The following KCNH8 variants were observed in gnomAD, a reference collection of about 807,000 sequenced individuals.
KCNH8 encodes the protein voltage-gated delayed rectifier potassium channel KCNH8.
Under a neutral mutation model 103.6 loss-of-function variants are expected in KCNH8, and 70 were observed. The ratio of observed to expected loss-of-function variants is 0.68; its 90% CI spans 0.56 to 0.82. KCNH8 has a LOEUF of 0.82. Among genes scored for constraint, KCNH8 ranks in the 40% least tolerant of loss-of-function variants. The pLI is 0.00. For missense variants in KCNH8, 1,217 were observed against 1,329.9 expected (o/e 0.92, Z 1.32); for synonymous variants, 498 against 489.4 (o/e 1.02, Z -0.23).
chr3:19,526,730 T>C (rs1320319063), intron 15 of KCNH8, among the ~76,000 whole-genome samples: 5 of 152,014 alleles, frequency 3.3e-5, no homozygotes, highest in Non-Finnish European at 7.4e-5. Flanking sequence ...GACGTGGATA[T>C]TATATGAAAC....
At chr3:19,492,145 G>C (rs1002506118) in intron 11 of KCNH8, among the ~76,000 whole-genome samples, 1 of 151,962 alleles carries the variant, frequency 6.6e-6, no homozygotes, top group African/African-American at 2.4e-5. Context: ...TCTCTTGATA[G>C]TTTCTTTTGT....
At chr3:19,468,525 C>CT (rs1206933632) in intron 11 of KCNH8, among the ~76,000 whole-genome samples, 4 of 152,262 alleles carry the variant, frequency 2.6e-5, no homozygotes, top group Non-Finnish European at 5.9e-5. Flanking sequence ...TTCACTTCCC[C>CT]TAAGTTCAGG....
intron 1 of KCNH8, among the ~76,000 whole-genome samples, chr3:19,228,380 G>T (rs1015630546): frequency 6.6e-6 from 1 of 152,080 alleles, no homozygotes; most frequent in Non-Finnish European, 1.5e-5. Context: ...TACATTCTTA[G>T]CCTCAGGGCT....
chr3:19,237,294 A>G (rs1667801945), intron 1 of KCNH8, among the ~76,000 whole-genome samples: 1 of 152,126 alleles, frequency 6.6e-6, no homozygotes, highest in Non-Finnish European at 1.5e-5. Context: ...AGACAAAGGC[A>G]TCTTTCCTCC....
At chr3:19,486,527 A>T (rs1575126384) in intron 11 of KCNH8, among the ~76,000 whole-genome samples, 1 of 152,146 alleles carries the variant, frequency 6.6e-6, no homozygotes, top group Admixed American at 6.5e-5. Context: ...TTGTTTTGAG[A>T]GATAGGCCAC....
chr3:19,330,986 T>A (rs2065497170), intron 3 of KCNH8, among the ~76,000 whole-genome samples: 1 of 152,086 alleles, frequency 6.6e-6, no homozygotes, highest in Admixed American at 6.6e-5. Flanking sequence ...TCTGCCATCT[T>A]CCCAGAAAGA....
rs748691792 is a variant in KCNH8, at chr3:19,342,634, C to T, written c.490C>T (p.Arg164Trp). 27 of 1,610,730 alleles carry T rather than the reference C, an allele frequency of 1.7e-5. No individual in the cohort carries two copies. The highest frequency in any genetic ancestry group is 2.0e-5 in the Non-Finnish European group (24 of 1,177,804). The change falls in exon 4 of 16, where the codon CGG (arginine) becomes TGG (tryptophan). Residue 164 changes from arginine to tryptophan, a missense_variant. Physicochemically the swap from Arg to Trp is moderately radical, Grantham distance 101. Transcript: ENST00000328405. ...SRAGTHFDSA[R>W]RRSRAVLYHI... ...AGCAGGGACCCACTTTGACTCAGCCCGGAGACGGAGTCGAGCAGTCCTTTA... is the reference window on the plus strand; with the variant it reads ...AGCAGGGACCCACTTTGACTCAGCCTGGAGACGGAGTCGAGCAGTCCTTTA...
chr3:19,274,150 C>G (rs1272564088), intron 2 of KCNH8, among the ~76,000 whole-genome samples: 1 of 152,130 alleles, frequency 6.6e-6, no homozygotes. Context: ...CAAACTCAGA[C>G]TTGTGTTTAA....
chr3:19,210,284 C>T (rs956902476), intron 1 of KCNH8, among the ~76,000 whole-genome samples: 5 of 151,842 alleles, frequency 3.3e-5, no homozygotes, highest in Non-Finnish European at 5.9e-5. Context: ...TTTCTTTCTT[C>T]TACTTTTTTC....
intron 1 of KCNH8, among the ~76,000 whole-genome samples, chr3:19,179,360 A>G (rs1218283325): frequency 6.6e-6 from 1 of 152,204 alleles, no homozygotes; most frequent in Non-Finnish European, 1.5e-5. Context: ...CATTTGAAAG[A>G]TAATATTATG....
intron 11 of KCNH8, among the ~76,000 whole-genome samples, chr3:19,501,093 A>G (rs1389015059): frequency 3.3e-5 from 5 of 152,194 alleles, no homozygotes; most frequent in Non-Finnish European, 7.3e-5. Flanking sequence ...GATAAAGGGG[A>G]TATCACCACC....
At chr3:19,445,608 G>A (rs1368306813) in intron 8 of KCNH8, among the ~76,000 whole-genome samples, 1 of 151,778 alleles carries the variant, frequency 6.6e-6, no homozygotes, top group African/African-American at 2.4e-5. Context: ...ATTGTTTTTA[G>A]GTTTGTCTTA....
chr3:19,339,929 A>C (rs905888692), intron 3 of KCNH8, among the ~76,000 whole-genome samples: 10 of 152,054 alleles, frequency 6.6e-5, no homozygotes, highest in African/African-American at 2.2e-4. Flanking sequence ...ACACTGATTG[A>C]AGTCACTAAG....
intron 5 of KCNH8, among the ~76,000 whole-genome samples, chr3:19,387,773 T>C (rs1056857272): frequency 2.6e-5 from 4 of 152,184 alleles, no homozygotes; most frequent in Admixed American, 6.5e-5. Context: ...TTTATTCTTT[T>C]ACTATTATCT....
At chr3:19,374,782 T>G (rs922461325) in intron 5 of KCNH8, among the ~76,000 whole-genome samples, 46 of 152,182 alleles carry the variant, frequency 3.0e-4, no homozygotes, top group Non-Finnish European at 7.3e-5. Flanking sequence ...CTTCAGGAGC[T>G]CTTGTAAGGC....
chr3:19,162,482 G>T (rs115473540), intron 1 of KCNH8, among the ~76,000 whole-genome samples: 1,603 of 151,820 alleles, frequency 0.011, 13 homozygotes, highest in Non-Finnish European at 0.016. Context: ...ACTCCAGCCT[G>T]GACGACAGAG....
chr3:19,281,934 A>T (rs954338939), intron 3 of KCNH8, among the ~76,000 whole-genome samples: 1 of 152,108 alleles, frequency 6.6e-6, no homozygotes, highest in Non-Finnish European at 1.5e-5. Flanking sequence ...ATTTATTAAG[A>T]AATTCTTTGC....
At chr3:19,329,913 T>C (rs1327359132) in intron 3 of KCNH8, among the ~76,000 whole-genome samples, 1 of 151,838 alleles carries the variant, frequency 6.6e-6, no homozygotes, top group East Asian at 1.9e-4. Flanking sequence ...TCTGATTGGC[T>C]TTTAGCTTTT....
chr3:19,408,117 T>C (rs781317036), intron 7 of KCNH8, among the ~76,000 whole-genome samples: 4 of 152,080 alleles, frequency 2.6e-5, no homozygotes, highest in African/African-American at 4.8e-5. Flanking sequence ...GGATCAAGTA[T>C]ATACCCAGCC....
Sources: allele counts gnomAD v4.1 joint callset (sites outside exome capture counted in the v4.1 genomes callset), GRCh38; gene constraint gnomAD v4.1.1; transcripts MANE v1.5; gene names NCBI Gene and HGNC (gene_info 2026-07-23, HGNC 2026-07-21).